Variants in DLC1 observed in about 807,000 individuals in gnomAD.
The protein encoded by DLC1 is DLC1 Rho GTPase activating protein, also known as rho GTPase-activating protein 7.
Under a neutral mutation model 140.3 loss-of-function variants are expected in DLC1, and 54 were observed. That is an observed-to-expected ratio of 0.38 (90% CI 0.31 to 0.48). DLC1 has a LOEUF of 0.48. Among genes scored for constraint, DLC1 ranks in the 20% least tolerant of loss-of-function variants. The pLI is 0.96. For missense variants in DLC1, 2,536 were observed against 1,907.0 expected, an observed-to-expected ratio of 1.33 and a Z score of -6.14; for synonymous variants, 986 against 728.1, an observed-to-expected ratio of 1.35 and a Z score of -5.70.
At chr8:13,563,469 T>C (rs951100731) in intron 1 of DLC1, among the ~76,000 whole-genome samples, 1 of 152,182 alleles carries the variant, frequency 6.6e-6, no homozygotes, top group Admixed American at 6.6e-5. Context: ...TCATGAGTGA[T>C]GTAAGATTCT....
At chr8:13,303,191 C>T (rs553045266) in intron 5 of DLC1, among the ~76,000 whole-genome samples, 41 of 152,220 alleles carry the variant, frequency 2.7e-4, no homozygotes, top group African/African-American at 8.2e-4. Flanking sequence ...GGAGTAAATT[C>T]CAATCATTCT....
At chr8:13,420,135 T>C (rs1838251416) in intron 2 of DLC1, among the ~76,000 whole-genome samples, 1 of 152,126 alleles carries the variant, frequency 6.6e-6, no homozygotes, top group African/African-American at 2.4e-5. Context: ...TAGCAGTCTA[T>C]CAATTTTGTT....
chr8:13,380,224 T>C (rs1163774112), intron 4 of DLC1, among the ~76,000 whole-genome samples: 1 of 152,220 alleles, frequency 6.6e-6, no homozygotes, highest in Non-Finnish European at 1.5e-5. Context: ...AGTTAGAGTC[T>C]AGGCAAACTG....
chr8:13,443,715 A>G (rs957206870), intron 2 of DLC1, among the ~76,000 whole-genome samples: 2 of 152,132 alleles, frequency 1.3e-5, no homozygotes, highest in African/African-American at 2.4e-5. Context: ...TTAGGGAAGC[A>G]TTATGCTACA....
intron 7 of DLC1, among the ~76,000 whole-genome samples, chr8:13,105,503 C>A (rs982324931): frequency 2.0e-5 from 3 of 151,898 alleles, no homozygotes; most frequent in Non-Finnish European, 4.4e-5. Context: ...AAATGGGGCT[C>A]AGGGAGGTCA....
At chr8:13,277,689 CCT>C (rs1436481964) in intron 5 of DLC1, among the ~76,000 whole-genome samples, 1 of 152,060 alleles carries the variant, frequency 6.6e-6, no homozygotes, top group Non-Finnish European at 1.5e-5. Flanking sequence ...CATTATTAAT[CCT>C]CTTTTTTTTT....
chr8:13,589,011 C>G (rs1273153657), intron 1 of DLC1, among the ~76,000 whole-genome samples: 1 of 152,036 alleles, frequency 6.6e-6, no homozygotes, highest in Non-Finnish European at 1.5e-5. Flanking sequence ...CAGTTCTGGA[C>G]CATATCCATT....
chr8:13,351,591 T>G (rs1834665608), intron 4 of DLC1, among the ~76,000 whole-genome samples: 1 of 152,254 alleles, frequency 6.6e-6, no homozygotes, highest in Middle Eastern at 3.2e-3. Flanking sequence ...GAACACATAG[T>G]GTCCACTGGA....
At chr8:13,522,161 A>G (rs1203774992) in intron 1 of DLC1, among the ~76,000 whole-genome samples, 1 of 152,200 alleles carries the variant, frequency 6.6e-6, no homozygotes, top group Admixed American at 6.5e-5. Context: ...GCAGTGGGGT[A>G]TGGCATCAGG....
chr8:13,501,997 T>A (rs953314003), intron 1 of DLC1, among the ~76,000 whole-genome samples: 1 of 152,276 alleles, frequency 6.6e-6, no homozygotes, highest in East Asian at 1.9e-4. Context: ...AAATACCAAG[T>A]GGTATTACGA....
intron 5 of DLC1, among the ~76,000 whole-genome samples, chr8:13,131,619 C>A (rs556053584): frequency 6.6e-6 from 1 of 152,292 alleles, no homozygotes; most frequent in East Asian, 1.9e-4. Context: ...GCAGGGGTTT[C>A]CTTCTGCGGT....
intron 2 of DLC1, among the ~76,000 whole-genome samples, chr8:13,480,990 C>CA (rs2117117374): frequency 6.6e-6 from 1 of 151,988 alleles, no homozygotes; most frequent in East Asian, 1.9e-4. Context: ...GACCAAAGGC[C>CA]AAGAGGCCAG....
In DLC1 at chr8:13,481,889, C is replaced by G. The variant is rs181314404; in HGVS notation, c.1023+17160G>C. Among the ~76,000 whole-genome samples, 24 of 152,284 alleles carry G rather than the reference C, an allele frequency of 1.6e-4. No individual in the cohort carries two copies. The East Asian group carries it at 3.7e-3, about 23-fold the overall frequency. ...AAATATGGACATAGTCACACACACA[C>G]ACGAAGAAGCCCATGTCAACATAAA... On this transcript the variant is annotated intron_variant, in intron 2 of 17. Coordinates refer to ENST00000276297, the MANE Select transcript of DLC1 (RefSeq NM_182643.3).
chr8:13,276,277 C>G, intron 5 of DLC1: 5 of 1,535,560 alleles, frequency 3.3e-6, no homozygotes, highest in African/African-American at 1.4e-5. Context: ...AGCCGTCTGT[C>G]TCTAGTGTTT....
intron 7 of DLC1, among the ~76,000 whole-genome samples, chr8:13,108,467 GCTTCA>G (rs2128944666): frequency 6.6e-6 from 1 of 152,260 alleles, no homozygotes; most frequent in South Asian, 2.1e-4. Flanking sequence ...AGACTTATTC[GCTTCA>G]GAGAAAGGTG....
intron 2 of DLC1, among the ~76,000 whole-genome samples, chr8:13,478,415 G>A (rs987895418): frequency 5.9e-5 from 9 of 152,126 alleles, no homozygotes; most frequent in African/African-American, 1.7e-4. Flanking sequence ...ATTACAATTC[G>A]ACATGAGATT....
At chr8:13,403,179 C>G (rs140646708) in intron 2 of DLC1, among the ~76,000 whole-genome samples, 53 of 152,300 alleles carry the variant, frequency 3.5e-4, no homozygotes, top group African/African-American at 1.3e-3. Context: ...TCAGTCTCCT[C>G]CTATTGTCCC....
intron 4 of DLC1, among the ~76,000 whole-genome samples, chr8:13,355,363 C>G (rs879920069): frequency 6.6e-6 from 1 of 152,132 alleles, no homozygotes; most frequent in East Asian, 1.9e-4. Flanking sequence ...TGATGTGCGC[C>G]TGTAATCTCA....
intron 4 of DLC1, among the ~76,000 whole-genome samples, chr8:13,346,720 C>T (rs546696538): frequency 6.6e-6 from 1 of 152,146 alleles, no homozygotes; most frequent in Non-Finnish European, 1.5e-5. Context: ...ATGAAAACCC[C>T]CCTTTGTCAG....
Sources: allele counts gnomAD v4.1 joint callset (sites outside exome capture counted in the v4.1 genomes callset), GRCh38; gene constraint gnomAD v4.1.1; transcripts MANE v1.5; gene names NCBI Gene and HGNC (gene_info 2026-07-23, HGNC 2026-07-21).